The following LHPP variants were observed in gnomAD, a reference collection of about 807,000 sequenced individuals.
LHPP encodes phospholysine phosphohistidine inorganic pyrophosphate phosphatase.
Under a neutral mutation model 30.3 loss-of-function variants are expected in LHPP, and 24 were observed. The observed-to-expected ratio is 0.79, with a 90% CI of 0.57 to 1.11. The LOEUF (loss-of-function observed/expected upper bound fraction) is 1.11, where lower values mean the gene tolerates loss of function less well. Among genes scored for constraint, LHPP ranks in the 50% most tolerant of loss-of-function variants. The pLI is 0.00. For missense variants in LHPP, 356 were observed against 367.2 expected (o/e 0.97, Z 0.25); for synonymous variants, 150 against 157.1 (o/e 0.95, Z 0.34).
At chr10:124,552,976 A>G (rs574650915) in intron 6 of LHPP, among the ~76,000 whole-genome samples, 2 of 152,376 alleles carry the variant, frequency 1.3e-5, no homozygotes, top group African/African-American at 4.8e-5. Flanking sequence ...AAAACCTTGC[A>G]ATTACTGGAA....
At chr10:124,560,148 G>A (rs1377898655) in intron 6 of LHPP, among the ~76,000 whole-genome samples, 4 of 152,176 alleles carry the variant, frequency 2.6e-5, no homozygotes, top group South Asian at 2.1e-4. Flanking sequence ...TGGTCACTAC[G>A]TTGTTGTATA....
Position 124,510,919 on chromosome 10 carries a change from G to C in LHPP, c.625-6261G>C, listed in dbSNP as rs988371512. 2.6e-5 allele frequency among the ~76,000 whole-genome samples: 4 copies of C among 152,292 alleles called. No homozygotes were observed. In the East Asian group the frequency reaches 5.8e-4, roughly 22 times the overall value. The stretch of plus-strand genomic sequence containing the variant: ...TGCCAGCAGCCGTGGGGGCTTGCCC[G>C]GCCAGCCCTGGCTTTTCCCAACCCT... On this transcript the variant is annotated intron_variant, in intron 5 of 6. Coordinates refer to ENST00000368842, the MANE Select transcript of LHPP (RefSeq NM_022126.4). The surrounding 1 kb of genome is among the most constrained non-coding windows in gnomAD (Gnocchi z 4.0).
At chr10:124,498,774 A>G in intron 5 of LHPP, 1 of 445,886 alleles carries the variant, frequency 2.2e-6, no homozygotes, top group South Asian at 1.6e-5. Context: ...GGCTCAAGCG[A>G]TCCTGCCATC....
chr10:124,497,323 C>T (rs897143315), intron 4 of LHPP, among the ~76,000 whole-genome samples: 49 of 150,256 alleles, frequency 3.3e-4, no homozygotes, highest in Non-Finnish European at 5.8e-4. Context: ...CCCTGCCCGC[C>T]GTGGACCCTG....
Position 124,507,088 on chromosome 10 carries a change from G to C in LHPP, c.624+8960G>C, listed in dbSNP as rs111732362. Among the ~76,000 whole-genome samples, 25 of 52,336 alleles carry C rather than the reference G, an allele frequency of 4.8e-4. 2 individuals carry two copies. The highest frequency in any genetic ancestry group is 8.1e-4 in the Admixed American group (4 of 4,946). 34.3% of individuals were successfully genotyped at this position (52,336 alleles called of 152,430 possible). ...GGGGTAGACAGGATTTCAGGTGGGG[G>C]GGTAGGGAGGATTTCAGGTGCAGGG... On this transcript the variant is annotated intron_variant, in intron 5 of 6. Transcript: ENST00000368842.
At chr10:124,529,026 CTTTTTTT>C (rs4022274) in intron 6 of LHPP, among the ~76,000 whole-genome samples, 1 of 78,292 alleles carries the variant, frequency 1.3e-5, no homozygotes. Context: ...TTGGGGGATT[CTTTTTTT>C]TTTTTTTTTT....
chr10:124,541,986 AG>A lies in LHPP; in HGVS notation c.716+24720del, dbSNP rs2133945857. Reference sequence around the variant, plus strand: ...GTCCAGACATGAAACGGACAGCAGGAGGGGGCTTTGAGGGGTCTCTCCTGAG... The same window carrying A: ...GTCCAGACATGAAACGGACAGCAGGAGGGGCTTTGAGGGGTCTCTCCTGAG... On this transcript the variant is annotated intron_variant, in intron 6 of 6. Coordinates refer to ENST00000368842, the MANE Select transcript of LHPP (RefSeq NM_022126.4). This position sits in a 1 kb window ranked among gnomAD's most constrained non-coding sequence, Gnocchi z 4.2. Among the ~76,000 whole-genome samples the A allele has an allele frequency of 6.6e-6, 1 of 152,046 alleles. No individual in the cohort carries two copies.
chr10:124,605,891 T>C (rs1949085681), intron 6 of LHPP, among the ~76,000 whole-genome samples: 1 of 151,850 alleles, frequency 6.6e-6, no homozygotes, highest in Non-Finnish European at 1.5e-5. Flanking sequence ...GAAGACCTCC[T>C]GCCTTCAAGG....
At chr10:124,588,859 C>T (rs1394233383) in intron 6 of LHPP, among the ~76,000 whole-genome samples, 1 of 152,018 alleles carries the variant, frequency 6.6e-6, no homozygotes, top group Admixed American at 6.6e-5. Context: ...AGGGCACTGG[C>T]CCACCCTCCA....
chr10:124,593,235 C>T lies in LHPP; in HGVS notation c.717-20029C>T, dbSNP rs1029219136. ...AGCGTCCTGGGAAGCCAGCTGAGAG[C>T]ACCTCTTTCTCTTTGGGTCCTGCAG... is the stretch of plus-strand genomic sequence containing the variant. On this transcript the variant is annotated intron_variant, in intron 6 of 6. Transcript: ENST00000368842. This position sits in a 1 kb window ranked among gnomAD's most constrained non-coding sequence, Gnocchi z 4.9. Among the ~76,000 whole-genome samples, 3 of 152,178 alleles carry T rather than the reference C, an allele frequency of 2.0e-5. No homozygotes were observed. The highest frequency in any genetic ancestry group is 4.8e-5 in the African/African-American group (2 of 41,448).
At chr10:124,603,062 A>G (rs1013619128) in intron 6 of LHPP, among the ~76,000 whole-genome samples, 2 of 151,316 alleles carry the variant, frequency 1.3e-5, no homozygotes, top group South Asian at 4.2e-4. Flanking sequence ...GGGCTGGGCC[A>G]GGCCAGGGCA....
At chr10:124,579,101 A>T (rs1293510687) in intron 6 of LHPP, among the ~76,000 whole-genome samples, 1 of 152,240 alleles carries the variant, frequency 6.6e-6, no homozygotes, top group Non-Finnish European at 1.5e-5. Context: ...ACCAGCAAGC[A>T]GATACATGTT....
chr10:124,560,929 A>G (rs1296220363), intron 6 of LHPP, among the ~76,000 whole-genome samples: 1 of 152,142 alleles, frequency 6.6e-6, no homozygotes, highest in Non-Finnish European at 1.5e-5. Context: ...GCCTTTCCCT[A>G]TTCCTCCTGC....
intron 6 of LHPP, among the ~76,000 whole-genome samples, chr10:124,598,352 C>T (rs1306011952): frequency 1.3e-5 from 2 of 152,362 alleles, no homozygotes; most frequent in East Asian, 3.9e-4. Context: ...ACAGCCGCTA[C>T]ACAGGTGCCT....
intron 1 of LHPP, 152 bp downstream of exon 1, chr10:124,462,139 T>C: frequency 1.3e-6 from 1 of 744,938 alleles, no homozygotes. Flanking sequence ...CGCACAGTGC[T>C]GACCACGGAC....
intron 1 of LHPP, among the ~76,000 whole-genome samples, chr10:124,469,757 AGGTGGAGCCGATGCTGCAGTCATGGG>A (rs1308901828): frequency 2.0e-5 from 3 of 152,048 alleles, no homozygotes; most frequent in African/African-American, 7.2e-5. Flanking sequence ...AGCAGTGAAC[AGGTGGAGCCGATGCTGCAGTCATGGG>A]GGACCAGCAG....
At chr10:124,485,703 C>T (rs983271379) in intron 2 of LHPP, among the ~76,000 whole-genome samples, 1 of 151,982 alleles carries the variant, frequency 6.6e-6, no homozygotes, top group East Asian at 1.9e-4. Flanking sequence ...CTGGTTCAAG[C>T]GATTCTTCTG....
chr10:124,463,820 C>CTTT (rs35122241), intron 1 of LHPP, among the ~76,000 whole-genome samples: 64 of 120,770 alleles, frequency 5.3e-4, no homozygotes, highest in African/African-American at 1.9e-3. Context: ...ATTTTTTTTT[C>CTTT]TTTTTTTTTT....
chr10:124,557,448 T>G (rs966743920), intron 6 of LHPP, among the ~76,000 whole-genome samples: 3 of 152,234 alleles, frequency 2.0e-5, no homozygotes, highest in African/African-American at 7.2e-5. Context: ...CAAAGGGAAC[T>G]CGGGCGCACT....
Sources: allele counts gnomAD v4.1 joint callset (sites outside exome capture counted in the v4.1 genomes callset), GRCh38; gene constraint gnomAD v4.1.1; non-coding constraint Gnocchi (gnomAD v3.1); transcripts MANE v1.5; gene names NCBI Gene and HGNC (gene_info 2026-07-23, HGNC 2026-07-21).